ACSBG2: variants seen among roughly 807,000 people sequenced by gnomAD.
The protein encoded by ACSBG2 is acyl-CoA synthetase bubblegum family member 2, also known as long-chain-fatty-acid--CoA ligase ACSBG2.
Under a neutral mutation model 74.7 loss-of-function variants are expected in ACSBG2, and 62 were observed. The observed-to-expected ratio is 0.83, with a 90% confidence interval of 0.68 to 1.03. The LOEUF (loss-of-function observed/expected upper bound fraction) is 1.03. Ranked by LOEUF, ACSBG2 falls within the 50% of genes least tolerant of loss-of-function variation. ACSBG2 has a pLI of 0.00. For missense variants in ACSBG2, 730 were observed against 817.6 expected (o/e 0.89, Z 1.31); for synonymous variants, 309 against 294.1 (o/e 1.05, Z -0.52).
chr19:6,183,277 C>A lies in ACSBG2; in HGVS notation c.1322+5C>A. On this transcript the variant is annotated splice_donor_5th_base_variant and intron_variant, in intron 10 of 14. Transcript: ENST00000588485. Reference sequence around the variant, plus strand: ...GAATAACTACAGGCTTCTAAGGTACCAGCCCCCGGGGCAGACCCCTGCTCC... The same window carrying A: ...GAATAACTACAGGCTTCTAAGGTACAAGCCCCCGGGGCAGACCCCTGCTCC... The A allele has an allele frequency of 1.2e-6, 2 of 1,613,108 alleles. No homozygotes were observed. The highest frequency in any genetic ancestry group is 8.5e-7 in the Non-Finnish European group (1 of 1,179,128).
chr19:6,161,187 A>G (rs775623045), intron 5 of ACSBG2, 28 bp from the exon 6 acceptor site: 5 of 1,604,318 alleles, frequency 3.1e-6, no homozygotes, highest in Non-Finnish European at 4.3e-6. Flanking sequence ...CTGGGTTGCC[A>G]TGAAGCCCAC....
chr19:6,151,654 T>C (rs996477990), intron 3 of ACSBG2, 53 bp from the exon 4 acceptor site: 16 of 1,502,806 alleles, frequency 1.1e-5, no homozygotes, highest in South Asian at 4.8e-5. Context: ...ATCCTAATGA[T>C]ATAACATCTC....
intron 7 of ACSBG2, among the ~76,000 whole-genome samples, chr19:6,168,066 C>T (rs564683059): frequency 5.3e-5 from 8 of 151,848 alleles, no homozygotes; most frequent in Middle Eastern, 3.4e-3. Flanking sequence ...GTCTGCAGCC[C>T]TCCATGGCTC....
At chr19:6,148,454 G>C (rs1166618704) in intron 3 of ACSBG2, 1 of 152,352 alleles carries the variant, frequency 6.6e-6, no homozygotes, top group Non-Finnish European at 1.5e-5. Flanking sequence ...AGACCAGCCT[G>C]GGTAACATAG....
At chr19:6,155,808 A>AG (rs1555691993) in intron 4 of ACSBG2, among the ~76,000 whole-genome samples, 1 of 148,082 alleles carries the variant, frequency 6.8e-6, no homozygotes, top group Non-Finnish European at 1.5e-5. Context: ...AAAAAAAAAA[A>AG]TGGTGAACAG....
chr19:6,191,400 C>T (rs1158400171), intron 14 of ACSBG2: 1 of 152,194 alleles, frequency 6.6e-6, no homozygotes, highest in Non-Finnish European at 1.5e-5. Context: ...TACAAAGTAC[C>T]ACAGACTGGA....
chr19:6,140,609 G>A (rs2088786426), intron 1 of ACSBG2, among the ~76,000 whole-genome samples: 1 of 152,100 alleles, frequency 6.6e-6, no homozygotes, highest in Non-Finnish European at 1.5e-5. Context: ...GAACCTGGGA[G>A]GTGGAGGCTG....
At chr19:6,185,737 C>A in intron 11 of ACSBG2, 84 bp downstream of exon 11, 1 of 1,421,570 alleles carries the variant, frequency 7.0e-7, no homozygotes, top group Non-Finnish European at 9.8e-7. Context: ...AGCACGAAGG[C>A]CACCCCCAGT....
intron 3 of ACSBG2, among the ~76,000 whole-genome samples, chr19:6,148,777 C>T (rs76790614): frequency 0.039 from 5,900 of 152,146 alleles, 166 homozygotes; most frequent in Non-Finnish European, 0.055. Context: ...TTCTTAGTTC[C>T]GTGGAGTTAA....
At chr19:6,178,474 C>T (rs752965111) in intron 8 of ACSBG2, among the ~76,000 whole-genome samples, 11 of 151,976 alleles carry the variant, frequency 7.2e-5, no homozygotes, top group African/African-American at 1.2e-4. Context: ...CTCTGTCTTC[C>T]GGGTTCAAGC....
intron 5 of ACSBG2, among the ~76,000 whole-genome samples, 177 bp from the exon 6 acceptor site, chr19:6,161,038 T>A (rs1222157459): frequency 6.7e-6 from 1 of 149,888 alleles, no homozygotes; most frequent in African/African-American, 2.5e-5. Flanking sequence ...AGGCGGAGGT[T>A]GCAGTGAGCC....
rs368668925 is a variant in ACSBG2 at position 6,177,263 on chromosome 19, TTAAAC to T, written c.775_779del (p.Lys259AspfsTer5). On this transcript the variant is annotated frameshift_variant, in exon 8 of 15. Transcript: ENST00000588485. LOFTEE classifies it high-confidence loss of function. Reference sequence around the variant, plus strand: ...ATTGCAGGAGCAGTGACAAAGGACTTTAAACTGACAGACAAGCATGAGACGGTGGT... The same window carrying T: ...ATTGCAGGAGCAGTGACAAAGGACTTTGACAGACAAGCATGAGACGGTGGT... 1.8e-4 allele frequency: 284 copies of T among 1,614,036 alleles called. No homozygotes were observed. The African/African-American group carries it at 3.4e-3, about 20-fold the overall frequency.
At chr19:6,148,718 T>C (rs1187681716) in intron 3 of ACSBG2, among the ~76,000 whole-genome samples, 1 of 152,056 alleles carries the variant, frequency 6.6e-6, no homozygotes, top group Admixed American at 6.6e-5. Context: ...TCATACTATG[T>C]TGCTGTGGCT....
At position 6,187,338 on chromosome 19, in the gene ACSBG2, G is replaced by T; in HGVS notation, c.1596G>T (p.Leu532Phe). 1 of 1,614,110 alleles carries T rather than the reference G, an allele frequency of 6.2e-7. No individual in the cohort carries two copies. Among genetic ancestry groups the T allele is most frequent in the Non-Finnish European group, 8.5e-7 (1 of 1,180,016 alleles). ...ENVPPIPVET[L>F]VKKKIPIISN... ...TGCCCCCCATTCCTGTTGAGACCTTGGTTAAGAAGAAGATCCCCATCATCA... is the reference window on the plus strand; with the variant it reads ...TGCCCCCCATTCCTGTTGAGACCTTTGTTAAGAAGAAGATCCCCATCATCA... The change falls in exon 12 of 15, where the codon TTG (leucine) becomes TTT (phenylalanine). Residue 532 changes from leucine (L) to phenylalanine (F), a missense_variant. Leu to Phe is a conservative substitution (Grantham distance 22, BLOSUM62 0). Transcript: ENST00000588485.
chr19:6,178,398 TGAGATA>T (rs759064102), intron 8 of ACSBG2, among the ~76,000 whole-genome samples: 52 of 146,806 alleles, frequency 3.5e-4, no homozygotes, highest in Non-Finnish European at 4.1e-4. Flanking sequence ...TATTATTATT[TGAGATA>T]GAGTCTTGCT....
At chr19:6,149,870 C>CTG (rs2089174329) in intron 3 of ACSBG2, among the ~76,000 whole-genome samples, 1 of 144,316 alleles carries the variant, frequency 6.9e-6, no homozygotes, top group African/African-American at 2.8e-5. Flanking sequence ...GCCACCACAC[C>CTG]TGGCCTCAAG....
chr19:6,181,822 C>CCCA (rs1555696909), intron 8 of ACSBG2, among the ~76,000 whole-genome samples: 2 of 125,788 alleles, frequency 1.6e-5, no homozygotes, highest in South Asian at 3.1e-4. Context: ...CGCCCCCCCC[C>CCCA]CCAACGAAAT....
intron 7 of ACSBG2, among the ~76,000 whole-genome samples, chr19:6,171,476 G>A (rs1300209100): frequency 6.6e-6 from 1 of 151,988 alleles, no homozygotes; most frequent in Non-Finnish European, 1.5e-5. Flanking sequence ...ATGAAACTTA[G>A]TTTAGTGGGA....
At position 6,174,983 on chromosome 19, in the gene ACSBG2, T is replaced by TG. The variant is rs1490231415; in HGVS notation, c.739-2245dup. On this transcript the variant is annotated intron_variant, in intron 7 of 14. Transcript: ENST00000588485. The surrounding 1 kb of genome is among the most constrained non-coding windows in gnomAD (Gnocchi z 4.2). ...ATTTTGTCACTAACCCTTTTACAGA[T>TG]GAGAAAACTGAGGCTCAGACAGAGG... 6.6e-6 allele frequency among the ~76,000 whole-genome samples: 1 copy of TG among 152,132 alleles called. No individual in the cohort carries two copies. The highest frequency in any genetic ancestry group is 1.5e-5 in the Non-Finnish European group (1 of 68,018).
Sources: gnomAD v4.1 joint callset for allele counts (sites outside exome capture counted in the v4.1 genomes callset) on GRCh38, gnomAD v4.1.1 for gene constraint, Gnocchi (gnomAD v3.1) non-coding constraint, MANE v1.5 for transcripts, NCBI Gene and HGNC (gene_info 2026-07-23, HGNC 2026-07-21) for gene names.